GIMAP8: variants seen among roughly 807,000 people sequenced by gnomAD.
The protein encoded by GIMAP8 is GTPase, IMAP family member 8.
GIMAP8 carries 29 observed loss-of-function variants against 35.6 expected under a neutral mutation model. The observed-to-expected ratio is 0.81, with a 90% CI of 0.61 to 1.11. GIMAP8 has a LOEUF of 1.11. Ranked by LOEUF, GIMAP8 falls within the 50% of genes most tolerant of loss-of-function variation. The pLI is 0.00. For missense variants in GIMAP8, 811 were observed against 805.0 expected (o/e 1.01, Z -0.09); for synonymous variants, 335 against 308.7 (o/e 1.09, Z -0.89).
At chr7:150,462,674 G>C (rs1219984143) in intron 1 of GIMAP8, among the ~76,000 whole-genome samples, 1 of 152,090 alleles carries the variant, frequency 6.6e-6, no homozygotes, top group Non-Finnish European at 1.5e-5. Context: ...ATTCTCTCCT[G>C]ACCTGCAAGG....
At chr7:150,456,895 A>G (rs1450323655) in intron 1 of GIMAP8, among the ~76,000 whole-genome samples, 1 of 152,254 alleles carries the variant, frequency 6.6e-6, no homozygotes, top group Admixed American at 6.5e-5. Flanking sequence ...AAAATAAAGA[A>G]TATCTCTTTG....
In GIMAP8 at chr7:150,477,877, A is replaced by T. The variant is rs1802277059; in HGVS notation, c.*97A>T. 1.0e-6 allele frequency: 1 copy of T among 983,912 alleles called. No individual in the cohort carries two copies. Among genetic ancestry groups the T allele is most frequent in the African/African-American group, 1.6e-5 (1 of 60,716 alleles). 60.9% of individuals were successfully genotyped at this position (983,912 alleles called of 1,614,324 possible). A position where few individuals can be genotyped will look rare whatever the true frequency, so the allele number is the denominator to read the frequency against. The stretch of plus-strand genomic sequence containing the variant: ...AACCTGTGGGAAGGGAAGCGGGTTC[A>T]TGGCTTTGAGGGCCTGAGAGGCAAA... On this transcript the variant is annotated 3_prime_UTR_variant, in exon 5 of 5. Transcript: ENST00000307271.
In GIMAP8 at chr7:150,467,317, G is replaced by C. The variant is rs755917939; in HGVS notation, c.619G>C (p.Glu207Gln). ...ACCCTATCATGTGAACTTCAAAACT[G>C]AAGGCAGCAGGTTTCAAGTAAGAAT... ...GGPYHVNFKTEGSRFQDCVNE... is the reference protein window; with the variant it reads ...GGPYHVNFKTQGSRFQDCVNE... The change falls in exon 2 of 5, where the codon GAA (glutamate) becomes CAA (glutamine). Residue 207 changes from glutamate (E) to glutamine (Q), a missense_variant. Transcript: ENST00000307271. The C allele has an allele frequency of 6.2e-7, 1 of 1,610,256 alleles. No individual in the cohort carries two copies. Among genetic ancestry groups the C allele is most frequent in the Admixed American group, 1.7e-5 (1 of 59,724 alleles).
Position 150,477,611 on chromosome 7 carries a change from A to G in GIMAP8, c.1829A>G (p.Gln610Arg), listed in dbSNP as rs1802268780. The change falls in exon 5 of 5, where the codon CAG (glutamine) becomes CGG (arginine). Residue 610 changes from glutamine (Q) to arginine (R), a missense_variant. By Grantham distance (43) the Gln-to-Arg change is conservative. Transcript: ENST00000307271. ...AFNNKETGQAQETQVKALLTK... is the reference protein window; with the variant it reads ...AFNNKETGQARETQVKALLTK... Reference sequence around the variant, plus strand: ...AACAACAAAGAAACAGGCCAGGCCCAGGAAACCCAGGTGAAAGCTCTTTTA... The same window carrying G: ...AACAACAAAGAAACAGGCCAGGCCCGGGAAACCCAGGTGAAAGCTCTTTTA... The G allele has an allele frequency of 1.2e-6, 2 of 1,614,274 alleles. No homozygotes were observed. Among genetic ancestry groups the G allele is most frequent in the Non-Finnish European group, 1.7e-6 (2 of 1,180,056 alleles).
At chr7:150,452,675 G>GATAGATATATATATATATATATATATAT (rs1379119203) in intron 1 of GIMAP8, among the ~76,000 whole-genome samples, 1 of 79,672 alleles carries the variant, frequency 1.3e-5, no homozygotes, top group African/African-American at 5.3e-5. Flanking sequence ...GTGTGTGTGA[G>GATAGATATATATATATATATATATATAT]ATATATATAT....
chr7:150,477,808 A>G lies in GIMAP8; in HGVS notation c.*28A>G. ...AGCCGAAGTGCCTGGGGTCTCTTCA[A>G]TTAGAGACACCCTCAGGTTGGGGGG... On this transcript the variant is annotated 3_prime_UTR_variant, in exon 5 of 5. Coordinates refer to ENST00000307271, the MANE Select transcript of GIMAP8 (RefSeq NM_175571.4). 3 of 1,551,196 alleles carry G rather than the reference A, an allele frequency of 1.9e-6. No individual in the cohort carries two copies. The highest frequency in any genetic ancestry group is 3.7e-4 in the Middle Eastern group (2 of 5,422).
chr7:150,471,320 A>G (rs1802084732), intron 3 of GIMAP8, among the ~76,000 whole-genome samples: 1 of 152,230 alleles, frequency 6.6e-6, no homozygotes, highest in South Asian at 2.1e-4. Context: ...GCATAAGTCA[A>G]TATGTATAGA....
At chr7:150,473,018 A>G (rs1802129190) in intron 3 of GIMAP8, among the ~76,000 whole-genome samples, 1 of 152,226 alleles carries the variant, frequency 6.6e-6, no homozygotes, top group South Asian at 2.1e-4. Context: ...TTCTACCAAC[A>G]TGGAAACAGA....
In GIMAP8 at chr7:150,474,533, C is replaced by T. The variant is rs376859130; in HGVS notation, c.1204C>T (p.Arg402Trp). 10 of 1,577,574 alleles carry T rather than the reference C, an allele frequency of 6.3e-6. No homozygotes were observed. The Admixed American group carries it at 6.7e-5, about 11-fold the overall frequency. The part of the protein sequence containing the change: ...CKNRYSAFNY[R>W]ATGEEEQRQA... ...AAACAGATATAGTGCCTTCAACTAC[C>T]GGGCAACAGGAGAAGAAGAGCAAAG... The change falls in exon 4 of 5, where the codon CGG becomes TGG. Residue 402 changes from arginine (R) to tryptophan (W), a missense_variant. By Grantham distance (101) the Arg-to-Trp change is moderately radical. Coordinates refer to ENST00000307271, the MANE Select transcript of GIMAP8 (RefSeq NM_175571.4).
At chr7:150,457,647 G>A (rs1341513818) in intron 1 of GIMAP8, among the ~76,000 whole-genome samples, 1 of 152,126 alleles carries the variant, frequency 6.6e-6, no homozygotes, top group African/African-American at 2.4e-5. Flanking sequence ...TATCCATAGG[G>A]ACAACTGGGA....
intron 1 of GIMAP8, among the ~76,000 whole-genome samples, chr7:150,465,455 G>T (rs538147310): frequency 1.3e-5 from 2 of 152,026 alleles, no homozygotes; most frequent in Admixed American, 1.3e-4. Context: ...TTTTTTCCTC[G>T]CAGCGACAGT....
intron 1 of GIMAP8, among the ~76,000 whole-genome samples, chr7:150,453,324 T>C (rs1349692387): frequency 6.6e-6 from 1 of 152,210 alleles, no homozygotes; most frequent in East Asian, 1.9e-4. Context: ...TCTGAGGTTC[T>C]GAGGTGTCTG....
Position 150,467,120 on chromosome 7 carries a change from A to G in GIMAP8, c.422A>G (p.Asp141Gly). The change falls in exon 2 of 5, where the codon GAT becomes GGT. Residue 141 changes from aspartate to glycine, a missense_variant. By Grantham distance (94) the Asp-to-Gly change is moderately conservative. Transcript: ENST00000307271. The stretch of plus-strand genomic sequence containing the variant: ...TTCACTCGGAAGGATGATTTGGGGG[A>G]TGACTTGCTGCAAGATTTCATTGAA... ...IVFTRKDDLG[D>G]DLLQDFIEKN... 1.2e-6 allele frequency: 2 copies of G among 1,614,170 alleles called. No homozygotes were observed. The highest frequency in any genetic ancestry group is 1.6e-4 in the Middle Eastern group (1 of 6,062).
At chr7:150,473,586 T>C (rs1251568884) in intron 3 of GIMAP8, among the ~76,000 whole-genome samples, 4 of 149,858 alleles carry the variant, frequency 2.7e-5, no homozygotes, top group African/African-American at 4.9e-5. Flanking sequence ...CTAGTTCACT[T>C]TTTTTTTAAT....
chr7:150,471,721 C>T, intron 3 of GIMAP8, among the ~76,000 whole-genome samples: 1 of 151,938 alleles, frequency 6.6e-6, no homozygotes, highest in African/African-American at 2.4e-5. Flanking sequence ...CCTGTCGTCT[C>T]AGCTACTCGG....
Position 150,477,453 on chromosome 7 carries a change from G to A in GIMAP8, c.1671G>A (p.Thr557=), listed in dbSNP as rs557029400. ...AGGCCATCTTTGGAGCAGACTTTAC[G>A]AAATACGCGATTATGCTGTTCACCC... The part of the protein sequence containing the change: ...KLEAIFGADF[T]KYAIMLFTRK... Residue 557 remains threonine (T), a synonymous_variant, in exon 5 of 5, where the codon ACG becomes ACA. Coordinates refer to ENST00000307271, the MANE Select transcript of GIMAP8 (RefSeq NM_175571.4). 4 of 1,613,704 alleles carry A rather than the reference G, an allele frequency of 2.5e-6. No individual in the cohort carries two copies. In the South Asian group the frequency reaches 4.4e-5, roughly 18 times the overall value.
rs751417524 is a variant in GIMAP8, at chr7:150,477,122, G to A, written c.1340G>A (p.Ser447Asn). The A allele has an allele frequency of 6.2e-6, 10 of 1,607,646 alleles. No homozygotes were observed. The highest frequency in any genetic ancestry group is 8.5e-6 in the Non-Finnish European group (10 of 1,174,506). Reference protein sequence around the residue: ...ETLNIVLVGRSGTGKSATGNS... With the variant: ...ETLNIVLVGRNGTGKSATGNS... ...CTGAACATTGTCCTTGTGGGGAGAA[G>A]CGGGACTGGGAAGAGTGCGACCGGG... is the stretch of plus-strand genomic sequence containing the variant. Residue 447 changes from serine (S) to asparagine (N), a missense_variant, in exon 5 of 5, where the codon AGC (serine) becomes AAC (asparagine). Ser to Asn is a conservative substitution (Grantham distance 46). Transcript: ENST00000307271.
intron 1 of GIMAP8, among the ~76,000 whole-genome samples, 158 bp from the exon 2 acceptor site, chr7:150,466,513 A>C (rs964809001): frequency 6.6e-6 from 1 of 152,180 alleles, no homozygotes; most frequent in Non-Finnish European, 1.5e-5. Flanking sequence ...AGATCCTGGG[A>C]AAGTGTTTCT....
In GIMAP8 at chr7:150,466,884, G is replaced by T. The variant is rs1801973014; in HGVS notation, c.186G>T (p.Val62=). Reference sequence around the variant, plus strand: ...GGGTCCTGAGAGAAAGGAAGGTTGTGGTAATTGACACCCCTGACCTTTTCT... The same window carrying T: ...GGGTCCTGAGAGAAAGGAAGGTTGTTGTAATTGACACCCCTGACCTTTTCT... The part of the protein sequence containing the change: ...ESWVLRERKV[V]VIDTPDLFSS... The change falls in exon 2 of 5, where the codon GTG becomes GTT. Residue 62 remains valine (V), a synonymous_variant. Coordinates refer to ENST00000307271, the MANE Select transcript of GIMAP8 (RefSeq NM_175571.4). 2 of 1,614,230 alleles carry T rather than the reference G, an allele frequency of 1.2e-6. No individual in the cohort carries two copies. Among genetic ancestry groups the T allele is most frequent in the Non-Finnish European group, 1.7e-6 (2 of 1,180,032 alleles).
Sources: gnomAD v4.1 joint callset for allele counts (sites outside exome capture counted in the v4.1 genomes callset) on GRCh38, gnomAD v4.1.1 for gene constraint, MANE v1.5 for transcripts, NCBI Gene and HGNC (gene_info 2026-07-23, HGNC 2026-07-21) for gene names.